The following RFLNA variants were observed in gnomAD, a reference collection of about 807,000 sequenced individuals.
RFLNA encodes refilin-A.
In RFLNA, 5 loss-of-function variants were observed where a neutral mutation model predicts 7.8. That is an observed-to-expected ratio of 0.64 (90% CI 0.34 to 1.35). The LOEUF (loss-of-function observed/expected upper bound fraction) is 1.35. RFLNA is among the 40% of genes most tolerant of loss of function. The probability of loss-of-function intolerance (pLI) is 0.04; values close to 1 mark genes in which losing one functional copy is unlikely to be tolerated. For missense variants in RFLNA, 278 were observed against 305.5 expected (o/e 0.91, Z 0.67); for synonymous variants, 141 against 131.3 (o/e 1.07, Z -0.50).
intron 1 of RFLNA, 121 bp downstream of exon 1, chr12:124,295,757 C>A: frequency 1.9e-6 from 2 of 1,036,242 alleles, no homozygotes; most frequent in East Asian, 3.3e-5. Flanking sequence ...GCCCCGCAAC[C>A]ACGAAGGTGG....
At chr12:124,310,491 TGGGGAGGGGGAGGTGGACTGCAGGGAG>T (rs1199723606) in intron 1 of RFLNA, among the ~76,000 whole-genome samples, 1 of 97,348 alleles carries the variant, frequency 1.0e-5, no homozygotes, top group African/African-American at 4.2e-5. Context: ...GGCTGAGCTG[TGGGGAGGGGGAGGTGGACTGCAGGGAG>T]GGGGAGGTGG....
chr12:124,295,690 G>C, intron 1 of RFLNA, 54 bp downstream of exon 1: 1 of 1,229,040 alleles, frequency 8.1e-7, no homozygotes. Context: ...GGTGGGTGAG[G>C]GCTGCCCCCA....
At position 124,304,310 on chromosome 12, in the gene RFLNA, G is replaced by A. The variant is rs556612265; in HGVS notation, c.208-7508G>A. ...GTCTCACCGCCCAGGCCCACGGGACGCCAGCCTATATCGGTCTGGGCTTTC... is the reference window on the plus strand; with the variant it reads ...GTCTCACCGCCCAGGCCCACGGGACACCAGCCTATATCGGTCTGGGCTTTC... On this transcript the variant is annotated intron_variant, in intron 1 of 2. Coordinates refer to ENST00000546355, the MANE Select transcript of RFLNA (RefSeq NM_001365156.1). 7.9e-4 allele frequency among the ~76,000 whole-genome samples: 121 copies of A among 152,342 alleles called. 3 individuals are homozygous for A. The South Asian group carries it at 0.022, about 28-fold the overall frequency.
At chr12:124,312,839 G>A (rs1486835115) in intron 2 of RFLNA, among the ~76,000 whole-genome samples, 1 of 152,198 alleles carries the variant, frequency 6.6e-6, no homozygotes, top group Admixed American at 6.5e-5. Flanking sequence ...ATTGAATTAA[G>A]GCACCCCTGC....
chr12:124,308,905 G>C (rs1264087262), intron 1 of RFLNA, among the ~76,000 whole-genome samples: 2 of 152,250 alleles, frequency 1.3e-5, no homozygotes, highest in Non-Finnish European at 1.5e-5. Flanking sequence ...GTGACAGTGA[G>C]CGTGTTCTGG....
At chr12:124,292,054 CTTTCTCTGCCCAATT>C (rs1412805160), upstream of RFLNA, among the ~76,000 whole-genome samples, 1 of 152,252 alleles carries the variant, frequency 6.6e-6, no homozygotes, top group Non-Finnish European at 1.5e-5. Flanking sequence ...TAAATATCTA[CTTTCTCTGCCCAATT>C]TTTCTCTGCC....
At chr12:124,308,915 G>C (rs1397828677) in intron 1 of RFLNA, among the ~76,000 whole-genome samples, 2 of 152,230 alleles carry the variant, frequency 1.3e-5, no homozygotes, top group Non-Finnish European at 2.9e-5. Context: ...GCGTGTTCTG[G>C]ATCTACCCCG....
intron 1 of RFLNA, among the ~76,000 whole-genome samples, chr12:124,309,518 C>T (rs1453833104): frequency 1.3e-5 from 2 of 152,246 alleles, no homozygotes; most frequent in Non-Finnish European, 2.9e-5. Context: ...CGCATCTGCA[C>T]TCATGCTTTC....
At chr12:124,296,094 TTC>T (rs1345347670) in intron 1 of RFLNA, among the ~76,000 whole-genome samples, 2 of 5,976 alleles carry the variant, frequency 3.3e-4, no homozygotes, top group African/African-American at 2.7e-4. Flanking sequence ...CTTTCTTTCT[TTC>T]TTTCTTTCTT....
At chr12:124,297,890 G>A (rs915013118) in intron 1 of RFLNA, among the ~76,000 whole-genome samples, 2 of 151,354 alleles carry the variant, frequency 1.3e-5, no homozygotes, top group East Asian at 2.0e-4. Context: ...TTTGCTGAGC[G>A]GTGTTTAACC....
chr12:124,302,760 G>C (rs536900671), intron 1 of RFLNA, among the ~76,000 whole-genome samples: 2 of 151,894 alleles, frequency 1.3e-5, no homozygotes, highest in Non-Finnish European at 2.9e-5. Context: ...GGTTCTCACC[G>C]CCAGGGAGGT....
rs1233241692 is a variant in RFLNA, at chr12:124,295,543, G to A, written c.114G>A (p.Pro38=). 5.0e-5 allele frequency: 22 copies of A among 436,550 alleles called. No homozygotes were observed. The highest frequency in any genetic ancestry group is 5.8e-5 in the Non-Finnish European group (18 of 310,452). The allele number at this position is 436,550 out of a possible 1,614,324, so 27.0% of individuals were successfully genotyped here. A position where few individuals can be genotyped will look rare whatever the true frequency, so the allele number is the denominator to read the frequency against. Residue 38 remains proline (P), a synonymous_variant, in exon 1 of 3, where the codon CCG becomes CCA. Transcript: ENST00000546355. ...TGCCCCCCAGCCCCAGCCCCAGCCC[G>A]CCCTTCTACTCCCTGGCGCCCGGCA... The part of the protein sequence containing the change: ...SGLPPSPSPS[P]PFYSLAPGIL...
intron 2 of RFLNA, 46 bp downstream of exon 2, chr12:124,311,973 T>TG (rs2034253699): frequency 1.7e-5 from 5 of 297,682 alleles, no homozygotes; most frequent in Non-Finnish European, 2.4e-5. Flanking sequence ...GGTGGGGGGT[T>TG]GGGTGCTGGT....
Position 124,295,524 on chromosome 12 carries a change from C to T in RFLNA, c.95C>T (p.Pro32Leu). Reference protein sequence around the residue: ...LLDSPDSGLPPSPSPSPPFYS... With the variant: ...LLDSPDSGLPLSPSPSPPFYS... ...GACAGCCCCGACTCCGGGCTGCCCC[C>T]CAGCCCCAGCCCCAGCCCGCCCTTC... The change falls in exon 1 of 3, where the codon CCC becomes CTC. Residue 32 changes from proline to leucine, a missense_variant. Coordinates refer to ENST00000546355, the MANE Select transcript of RFLNA (RefSeq NM_001365156.1). The T allele has an allele frequency of 7.9e-7, 1 of 1,261,414 alleles. No homozygotes were observed. Among genetic ancestry groups the T allele is most frequent in the Non-Finnish European group, 1.0e-6 (1 of 1,004,628 alleles). The allele number at this position is 1,261,414 out of a possible 1,614,324, so 78.1% of individuals were successfully genotyped here. A position where few individuals can be genotyped will look rare whatever the true frequency, so the allele number is the denominator to read the frequency against.
At chr12:124,300,145 G>A (rs991787390) in intron 1 of RFLNA, among the ~76,000 whole-genome samples, 1 of 152,234 alleles carries the variant, frequency 6.6e-6, no homozygotes, top group Non-Finnish European at 1.5e-5. Flanking sequence ...GCAATGGCAG[G>A]TGGTGACAGA....
At chr12:124,305,051 G>T (rs1296675788) in intron 1 of RFLNA, among the ~76,000 whole-genome samples, 1 of 152,246 alleles carries the variant, frequency 6.6e-6, no homozygotes, top group Non-Finnish European at 1.5e-5. Flanking sequence ...AGTGTTGACT[G>T]AACGGTGAGC....
At chr12:124,302,338 C>T (rs531401266) in intron 1 of RFLNA, among the ~76,000 whole-genome samples, 49 of 152,238 alleles carry the variant, frequency 3.2e-4, no homozygotes, top group African/African-American at 1.1e-3. Flanking sequence ...CTCCGAGCTG[C>T]GACGTTCGAG....
At chr12:124,298,538 C>A (rs1044033799) in intron 1 of RFLNA, among the ~76,000 whole-genome samples, 1 of 152,212 alleles carries the variant, frequency 6.6e-6, no homozygotes, top group African/African-American at 2.4e-5. Context: ...GGGAATCAGG[C>A]ATTGGTCCCC....
Position 124,311,807 on chromosome 12 carries a change from T to C in RFLNA, c.208-11T>C. The C allele has an allele frequency of 6.4e-7, 1 of 1,568,414 alleles. No individual in the cohort carries two copies. The highest frequency in any genetic ancestry group is 8.6e-7 in the Non-Finnish European group (1 of 1,157,818). ...GGCTGCATAACCCCGTGTCCCTGGC[T>C]CTCCCCACAGCCCCCCTCCCAACTC... On this transcript the variant is annotated splice_polypyrimidine_tract_variant and intron_variant, in intron 1 of 2. Coordinates refer to ENST00000546355, the MANE Select transcript of RFLNA (RefSeq NM_001365156.1).
Sources: allele counts gnomAD v4.1 joint callset (sites outside exome capture counted in the v4.1 genomes callset), GRCh38; gene constraint gnomAD v4.1.1; transcripts MANE v1.5; gene names NCBI Gene and HGNC (gene_info 2026-07-23, HGNC 2026-07-21).